The following MAPK10 variants were observed in gnomAD, a reference collection of about 807,000 sequenced individuals.
MAPK10 encodes JNK3 alpha protein kinase.
In MAPK10, 25 loss-of-function variants were observed where a neutral mutation model predicts 59.3. That is an observed-to-expected ratio of 0.42 (90% CI 0.31 to 0.59). MAPK10 has a LOEUF of 0.59. Ranked by LOEUF, MAPK10 falls within the 20% of genes least tolerant of loss-of-function variation. The pLI, the probability that MAPK10 is intolerant of heterozygous loss-of-function variation, is 0.15. For missense variants in MAPK10, 351 were observed against 568.9 expected (o/e 0.62, Z 3.90); for synonymous variants, 190 against 200.5 (o/e 0.95, Z 0.44).
At chr4:86,377,011 A>G (rs1013606930) in intron 1 of MAPK10, among the ~76,000 whole-genome samples, 5 of 152,230 alleles carry the variant, frequency 3.3e-5, no homozygotes, top group African/African-American at 1.2e-4. Flanking sequence ...CTTTACAAGC[A>G]GGCAGCCATT....
intron 2 of MAPK10, among the ~76,000 whole-genome samples, chr4:86,350,793 A>G (rs1730929760): frequency 6.6e-6 from 1 of 152,210 alleles, no homozygotes; most frequent in South Asian, 2.1e-4. Context: ...AATAATGGAC[A>G]AGAAGATAGT....
chr4:86,047,659 T>C (rs1372741187), intron 11 of MAPK10, among the ~76,000 whole-genome samples: 1 of 152,174 alleles, frequency 6.6e-6, no homozygotes, highest in African/African-American at 2.4e-5. Context: ...TGCACGCACG[T>C]GCACTTGTAC....
chr4:86,317,767 C>G (rs1053304682), intron 2 of MAPK10, among the ~76,000 whole-genome samples: 2 of 152,176 alleles, frequency 1.3e-5, no homozygotes, highest in African/African-American at 4.8e-5. Context: ...TTTAGCATCT[C>G]TATTAGTTTC....
chr4:86,362,415 T>TA (rs564786945), upstream of MAPK10, among the ~76,000 whole-genome samples: 5,170 of 135,992 alleles, frequency 0.038, 82 homozygotes, highest in African/African-American at 0.051. Context: ...GCACTTACCA[T>TA]AAAAAAAAAA....
At chr4:86,429,960 A>G (rs1564853081) in intron 1 of MAPK10, among the ~76,000 whole-genome samples, 2 of 152,168 alleles carry the variant, frequency 1.3e-5, no homozygotes, top group Admixed American at 1.3e-4. Context: ...AACTTATTTC[A>G]TAAAATATTG....
chr4:86,553,200 A>G (rs1659587391), intron 1 of MAPK10, among the ~76,000 whole-genome samples: 1 of 152,162 alleles, frequency 6.6e-6, no homozygotes, highest in African/African-American at 2.4e-5. Flanking sequence ...AATACCTAGT[A>G]GTGGTAGGCA....
intron 1 of MAPK10, among the ~76,000 whole-genome samples, chr4:86,529,939 A>G (rs892028666): frequency 1.2e-4 from 18 of 152,282 alleles, no homozygotes; most frequent in Admixed American, 9.2e-4. Context: ...AGACACATCC[A>G]CAAGTTTAGT....
chr4:86,034,353 G>A (rs1044459530), intron 11 of MAPK10, among the ~76,000 whole-genome samples: 1 of 152,034 alleles, frequency 6.6e-6, no homozygotes, highest in African/African-American at 2.4e-5. Context: ...ACTTAAAATG[G>A]ATTAGACACA....
chr4:86,378,361 T>C (rs1740140959), intron 1 of MAPK10, among the ~76,000 whole-genome samples: 1 of 152,204 alleles, frequency 6.6e-6, no homozygotes, highest in Non-Finnish European at 1.5e-5. Context: ...GTGTGCATTA[T>C]TCACACTTCA....
At chr4:86,206,196 TC>T (rs1282411164) in intron 2 of MAPK10, among the ~76,000 whole-genome samples, 1 of 149,158 alleles carries the variant, frequency 6.7e-6, no homozygotes, top group Admixed American at 6.7e-5. Flanking sequence ...CCCTCCCCCG[TC>T]CCCCCACCTC....
chr4:86,589,457 G>A (rs1367725853), intron 1 of MAPK10, among the ~76,000 whole-genome samples: 1 of 152,118 alleles, frequency 6.6e-6, no homozygotes, highest in Admixed American at 6.5e-5. Context: ...CGAGGCGGGT[G>A]GATCACCTGA....
intron 13 of MAPK10, among the ~76,000 whole-genome samples, chr4:86,022,674 A>T (rs939094181): frequency 2.0e-5 from 3 of 151,868 alleles, no homozygotes. Flanking sequence ...CTGGCTAATT[A>T]AAAAAAAGAT....
intron 11 of MAPK10, among the ~76,000 whole-genome samples, chr4:86,047,639 C>T (rs554649071): frequency 2.0e-4 from 31 of 152,104 alleles, no homozygotes; most frequent in Non-Finnish European, 3.4e-4. Context: ...TGTGTGTGTA[C>T]GTGTGTGTGT....
chr4:86,324,867 A>C (rs1352855657), intron 2 of MAPK10, among the ~76,000 whole-genome samples: 1 of 152,192 alleles, frequency 6.6e-6, no homozygotes, highest in Non-Finnish European at 1.5e-5. Context: ...ACATAGACAC[A>C]TATACACATA....
At chr4:86,235,137 A>G (rs2092076631) in intron 2 of MAPK10, among the ~76,000 whole-genome samples, 1 of 152,198 alleles carries the variant, frequency 6.6e-6, no homozygotes, top group Admixed American at 6.5e-5. Flanking sequence ...AACAAGTCCT[A>G]GACTCATACA....
At chr4:86,385,678 C>G (rs977623451) in intron 1 of MAPK10, among the ~76,000 whole-genome samples, 1 of 152,138 alleles carries the variant, frequency 6.6e-6, no homozygotes, top group Non-Finnish European at 1.5e-5. Context: ...AAAATCCACA[C>G]AGAATGAATA....
chr4:86,201,942 T>C (rs569824959), intron 2 of MAPK10, among the ~76,000 whole-genome samples: 1 of 151,992 alleles, frequency 6.6e-6, no homozygotes, highest in Non-Finnish European at 1.5e-5. Flanking sequence ...TACTTCCATT[T>C]TCCTCTCCAA....
chr4:86,056,718 T>G (rs189971893), intron 11 of MAPK10, among the ~76,000 whole-genome samples: 1 of 150,062 alleles, frequency 6.7e-6, no homozygotes, highest in South Asian at 2.1e-4. Flanking sequence ...ATGTGAACTA[T>G]GCTCAAAGGC....
At chr4:86,231,776 T>G (rs765801754) in intron 2 of MAPK10, among the ~76,000 whole-genome samples, 2 of 152,212 alleles carry the variant, frequency 1.3e-5, no homozygotes, top group Non-Finnish European at 2.9e-5. Context: ...AAAATATATG[T>G]TCTTAGGACC....
Sources: gnomAD v4.1 joint callset for allele counts (sites outside exome capture counted in the v4.1 genomes callset) on GRCh38, gnomAD v4.1.1 for gene constraint, MANE v1.5 for transcripts, NCBI Gene and HGNC (gene_info 2026-07-23, HGNC 2026-07-21) for gene names.